Variants in UPF3A observed in about 807,000 individuals in gnomAD.
UPF3A encodes the protein UPF3A regulator of nonsense mediated mRNA decay.
UPF3A carries 42 observed loss-of-function variants against 53.5 expected under a neutral mutation model. The observed-to-expected ratio is 0.78, with a 90% CI of 0.61 to 1.01. UPF3A has a LOEUF of 1.01. Among genes scored for constraint, UPF3A ranks in the 50% least tolerant of loss-of-function variants. UPF3A has a pLI of 0.00. For missense variants in UPF3A, 575 were observed against 598.0 expected, an observed-to-expected ratio of 0.96 and a Z score of 0.40; for synonymous variants, 237 against 225.3, an observed-to-expected ratio of 1.05 and a Z score of -0.47.
intron 7 of UPF3A, 76 bp downstream of exon 7, chr13:114,291,868 C>G (rs570291670): frequency 6.8e-7 from 1 of 1,462,254 alleles, no homozygotes; most frequent in Admixed American, 2.3e-5. Flanking sequence ...TATCTTAGTT[C>G]TTTAGAATTT....
chr13:114,304,553 C>T (rs1375741659), intron 9 of UPF3A, among the ~76,000 whole-genome samples: 2 of 152,206 alleles, frequency 1.3e-5, no homozygotes, highest in Non-Finnish European at 2.9e-5. Context: ...CCACAGATTA[C>T]ATGTTCTTGT....
intron 7 of UPF3A, among the ~76,000 whole-genome samples, chr13:114,292,060 G>A (rs965278183): frequency 6.6e-6 from 1 of 150,744 alleles, no homozygotes; most frequent in African/African-American, 2.4e-5. Context: ...GGAGCCCCAC[G>A]CTGGCACACG....
At chr13:114,302,241 T>G (rs1357185308) in intron 9 of UPF3A, among the ~76,000 whole-genome samples, 2 of 152,194 alleles carry the variant, frequency 1.3e-5, no homozygotes, top group African/African-American at 4.8e-5. Flanking sequence ...AAAAGAAAGA[T>G]TTTATTTAGT....
chr13:114,287,790 T>C (rs984480757), intron 5 of UPF3A, among the ~76,000 whole-genome samples: 2 of 152,140 alleles, frequency 1.3e-5, no homozygotes, highest in African/African-American at 4.8e-5. Context: ...ACTGAAATAG[T>C]CCGTTCACTT....
chr13:114,284,480 T>G (rs1420759089), intron 3 of UPF3A, among the ~76,000 whole-genome samples: 4 of 144,332 alleles, frequency 2.8e-5, no homozygotes, highest in Non-Finnish European at 6.2e-5. Context: ...GTAGATCAGT[T>G]GAGGTCAGGG....
chr13:114,282,806 T>A, intron 2 of UPF3A, 31 bp from the exon 3 acceptor site: 1 of 1,584,848 alleles, frequency 6.3e-7, no homozygotes, highest in Non-Finnish European at 8.6e-7. Context: ...TATTTTTCAC[T>A]GACCATTTTC....
chr13:114,286,160 C>T, intron 3 of UPF3A, 142 bp from the exon 4 acceptor site: 2 of 1,072,238 alleles, frequency 1.9e-6, no homozygotes, highest in Non-Finnish European at 2.6e-6. Flanking sequence ...TAATCTCTTA[C>T]TGGAAGGATG....
intron 8 of UPF3A, 139 bp downstream of exon 8, chr13:114,299,139 T>A: frequency 1.2e-6 from 1 of 828,902 alleles, no homozygotes; most frequent in Non-Finnish European, 1.7e-6. Flanking sequence ...TTAGCCTTCA[T>A]TTCCCATCAG....
At chr13:114,286,739 G>A in intron 5 of UPF3A, 110 bp downstream of exon 5, 1 of 835,276 alleles carries the variant, frequency 1.2e-6, no homozygotes, top group East Asian at 2.7e-5. Context: ...CTTGTTACAG[G>A]CTTGACAGAA....
At chr13:114,282,627 T>C (rs910389049) in intron 2 of UPF3A, 103 of 985,236 alleles carry the variant, frequency 1.0e-4, no homozygotes, top group Admixed American at 1.2e-4. Flanking sequence ...TTCTGGGCAG[T>C]GGAGAAGGGA....
chr13:114,283,116 G>A (rs974005389), intron 3 of UPF3A, 173 bp downstream of exon 3: 3 of 522,370 alleles, frequency 5.7e-6, no homozygotes, highest in Non-Finnish European at 1.0e-5. Context: ...CTCACACTGC[G>A]GCTCAAGCAA....
Position 114,304,215 on chromosome 13 carries a change from C to T in UPF3A, c.1303-574C>T, listed in dbSNP as rs74810946. On this transcript the variant is annotated intron_variant, in intron 9 of 9. Coordinates refer to ENST00000375299, the MANE Select transcript of UPF3A (RefSeq NM_023011.4). ...CCATCAGGAGGAATTGTGCTGCTGT[C>T]GCTGCTGACACTAGCCTTCAGGGCC... Among the ~76,000 whole-genome samples the T allele has an allele frequency of 1.1e-3, 174 of 152,348 alleles. 4 individuals are homozygous for T. The East Asian group carries it at 0.027, about 24-fold the overall frequency.
chr13:114,282,918 T>C lies in UPF3A; in HGVS notation c.396T>C (p.Asp132=). 6.2e-7 allele frequency: 1 copy of C among 1,610,788 alleles called. No individual in the cohort carries two copies. The highest frequency in any genetic ancestry group is 1.1e-5 in the South Asian group (1 of 90,630). The change falls in exon 3 of 10, where the codon GAT becomes GAC. Residue 132 remains aspartate (D), a synonymous_variant. Coordinates refer to ENST00000375299, the MANE Select transcript of UPF3A (RefSeq NM_023011.4). ...DDILLFRDRF[D]GYIFLDSKGL... is the part of the protein sequence containing the mutation. Reference sequence around the variant, plus strand: ...TCCTTCTTTTTAGAGATCGTTTTGATGGATATATCTTCCTTGACAGCAAAG... The same window carrying C: ...TCCTTCTTTTTAGAGATCGTTTTGACGGATATATCTTCCTTGACAGCAAAG...
At position 114,284,486 on chromosome 13, in the gene UPF3A, CAG is replaced by C. The variant is rs1329143751; in HGVS notation, c.421+1544_421+1545del. Among the ~76,000 whole-genome samples the C allele has an allele frequency of 2.1e-5, 3 of 144,214 alleles. No individual in the cohort carries two copies. In the East Asian group the frequency reaches 5.8e-4, roughly 28 times the overall value. The allele number at this position is 144,214 out of a possible 152,430, so 94.6% of individuals were successfully genotyped here. A position where few individuals can be genotyped will look rare whatever the true frequency, so the allele number is the denominator to read the frequency against. ...CCGAGGAATGTAGATCAGTTGAGGTCAGGGGTTCGAGACCAGCCTGGCCAAGA... is the reference window on the plus strand; with the variant it reads ...CCGAGGAATGTAGATCAGTTGAGGTCGGGTTCGAGACCAGCCTGGCCAAGA... On this transcript the variant is annotated intron_variant, in intron 3 of 9. Transcript: ENST00000375299.
intron 4 of UPF3A, 22 bp from the exon 5 acceptor site, chr13:114,286,497 C>T (rs781120360): frequency 1.9e-6 from 3 of 1,609,606 alleles, no homozygotes; most frequent in African/African-American, 2.7e-5. Flanking sequence ...TATTTATTTT[C>T]TTCCTACTTT....
chr13:114,301,688 C>A (rs201534343), intron 8 of UPF3A, 43 bp from the exon 9 acceptor site: 7 of 1,573,214 alleles, frequency 4.4e-6, no homozygotes, highest in Non-Finnish European at 6.1e-6. Flanking sequence ...GGCAGCCAAC[C>A]GGCGGTTTAC....
In UPF3A at chr13:114,291,709, A is replaced by C; in HGVS notation, c.763A>C (p.Arg255=). The C allele has an allele frequency of 1.3e-6, 2 of 1,593,492 alleles. No individual in the cohort carries two copies. Among genetic ancestry groups the C allele is most frequent in the Non-Finnish European group, 1.7e-6 (2 of 1,165,746 alleles). Reference sequence around the variant, plus strand: ...GAAACGTTTGCGGGAAGAGGAAAAAAGAAGAAGAAGAGAAGAAGAAAGATG... The same window carrying C: ...GAAACGTTTGCGGGAAGAGGAAAAACGAAGAAGAAGAGAAGAAGAAAGATG... ...EKKRLREEEK[R]RRREEERCKK... The change falls in exon 7 of 10, where the codon AGA becomes CGA. Residue 255 remains arginine, a synonymous_variant. Transcript: ENST00000375299.
intron 7 of UPF3A, among the ~76,000 whole-genome samples, chr13:114,297,877 A>G (rs564338683): frequency 1.3e-5 from 2 of 152,290 alleles, no homozygotes; most frequent in East Asian, 3.9e-4. Context: ...GTGTGGTGGC[A>G]CGCCCCTGTA....
At chr13:114,289,113 C>CTGAA (rs901696975) in intron 5 of UPF3A, among the ~76,000 whole-genome samples, 2 of 152,032 alleles carry the variant, frequency 1.3e-5, no homozygotes, top group African/African-American at 2.4e-5. Context: ...CAAAAGTTGG[C>CTGAA]TGAATGAATG....
Sources: gnomAD v4.1 joint callset for allele counts (sites outside exome capture counted in the v4.1 genomes callset) on GRCh38, gnomAD v4.1.1 for gene constraint, MANE v1.5 for transcripts, NCBI Gene and HGNC (gene_info 2026-07-23, HGNC 2026-07-21) for gene names.